UHRF1: variants seen among roughly 807,000 people sequenced by gnomAD.
The protein encoded by UHRF1 is E3 ubiquitin-protein ligase UHRF1.
UHRF1 carries 9 observed loss-of-function variants against 96.5 expected under a neutral mutation model. That is an observed-to-expected ratio of 0.09 (90% CI 0.06 to 0.16). UHRF1 has a LOEUF of 0.16. UHRF1 is among the 10% of genes least tolerant of loss of function. UHRF1 has a pLI of 1.00. For synonymous variants in UHRF1, 455 were observed against 469.9 expected, an observed-to-expected ratio of 0.97 and a Z score of 0.41; for missense variants, 626 against 1,131.1, an observed-to-expected ratio of 0.55 and a Z score of 6.40.
At position 4,933,017 on chromosome 19, in the gene UHRF1, C is replaced by T. The variant is rs745388935; in HGVS notation, c.785+61C>T. The T allele has an allele frequency of 2.6e-4, 388 of 1,506,152 alleles. 2 individuals carry two copies. Among genetic ancestry groups the T allele is most frequent in the Middle Eastern group, 1.8e-3 (9 of 5,002 alleles). 93.3% of individuals were successfully genotyped at this position (1,506,152 alleles called of 1,614,324 possible). A position where few individuals can be genotyped will look rare whatever the true frequency, so the allele number is the denominator to read the frequency against. ...TCCTTTCCTCCCCTCCCGGGGCCCC[C>T]GGACTGGCTTTGAAGCCGTCCAGCC... is the stretch of plus-strand genomic sequence containing the variant. On this transcript the variant is annotated intron_variant, in intron 5 of 16. Transcript: ENST00000650932.
chr19:4,950,499 C>T (rs2033687277), intron 11 of UHRF1, 112 bp from the exon 12 acceptor site: 2 of 1,197,086 alleles, frequency 1.7e-6, no homozygotes, highest in East Asian at 2.6e-5. Context: ...CTACTTCAGC[C>T]TCCCAAAGTG....
intron 16 of UHRF1, among the ~76,000 whole-genome samples, chr19:4,958,217 G>A (rs368934569): frequency 5.9e-5 from 9 of 152,242 alleles, no homozygotes; most frequent in African/African-American, 2.2e-4. Flanking sequence ...CAGAAGGGGT[G>A]AGAGGCCATG....
At chr19:4,928,994 C>T (rs1386020402) in intron 2 of UHRF1, among the ~76,000 whole-genome samples, 2 of 152,180 alleles carry the variant, frequency 1.3e-5, no homozygotes, top group Admixed American at 1.3e-4. Flanking sequence ...CATGCAGTGC[C>T]AAAAGCCCTC....
intron 2 of UHRF1, among the ~76,000 whole-genome samples, chr19:4,920,036 C>T (rs1407675695): frequency 6.6e-6 from 1 of 152,036 alleles, no homozygotes; most frequent in Non-Finnish European, 1.5e-5. Context: ...AGGCTGGTCT[C>T]GAACTCCTGA....
chr19:4,952,540 T>C (rs768111806), intron 13 of UHRF1, among the ~76,000 whole-genome samples: 1 of 151,452 alleles, frequency 6.6e-6, no homozygotes, highest in Non-Finnish European at 1.5e-5. Context: ...ATCACAGGTG[T>C]GTACCACCAT....
At chr19:4,940,555 C>T (rs180947619) in intron 5 of UHRF1, among the ~76,000 whole-genome samples, 3 of 151,274 alleles carry the variant, frequency 2.0e-5, no homozygotes, top group African/African-American at 4.8e-5. Flanking sequence ...TTAGTAGAGA[C>T]GGGGTTTCAC....
intron 2 of UHRF1, among the ~76,000 whole-genome samples, chr19:4,914,400 T>G (rs2032410297): frequency 6.6e-6 from 1 of 152,114 alleles, no homozygotes; most frequent in African/African-American, 2.4e-5. Context: ...TCACAGTCTT[T>G]TTTTTTCCCT....
rs985069179 is a variant in UHRF1, at chr19:4,947,490, C to CTTTTTTTTTTTT, written c.1517+297_1517+308dup. ...CTATAAAAGGCCAGATAATAGATAT[C>CTTTTTTTTTTTT]TTTTTTTTTTTTTTTTTTTTTTTTT... On this transcript the variant is annotated intron_variant, in intron 11 of 16. Transcript: ENST00000650932. Among the ~76,000 whole-genome samples, 442 of 57,888 alleles carry CTTTTTTTTTTTT rather than the reference C, an allele frequency of 7.6e-3. 72 individuals carry two copies. The highest frequency in any genetic ancestry group is 9.9e-3 in the Non-Finnish European group (319 of 32,218). The allele number at this position is 57,888 out of a possible 152,430, so 38.0% of individuals were successfully genotyped here.
intron 5 of UHRF1, among the ~76,000 whole-genome samples, chr19:4,934,854 C>T (rs376533407): frequency 2.0e-5 from 3 of 152,116 alleles, no homozygotes; most frequent in Non-Finnish European, 4.4e-5. Context: ...GGGCCTTAAG[C>T]GCGTGGCTCG....
At chr19:4,957,323 T>C (rs1220170270) in intron 16 of UHRF1, among the ~76,000 whole-genome samples, 5 of 105,550 alleles carry the variant, frequency 4.7e-5, no homozygotes, top group African/African-American at 7.4e-5. Flanking sequence ...TTTTTTTTTT[T>C]TCTGAGACAG....
chr19:4,909,549 G>T lies in UHRF1; in HGVS notation c.-117G>T, dbSNP rs1035055123. On this transcript the variant is annotated 5_prime_UTR_variant, in exon 1 of 17. Coordinates refer to ENST00000650932, the MANE Select transcript of UHRF1 (RefSeq NM_001048201.3). Reference sequence around the variant, plus strand: ...CAGCGTTTGCCGAGCGGGCGCTCCGGGTCGCACGCAAGTCCGCGCGGGGTC... The same window carrying T: ...CAGCGTTTGCCGAGCGGGCGCTCCGTGTCGCACGCAAGTCCGCGCGGGGTC... 5.5e-5 allele frequency: 36 copies of T among 659,456 alleles called. No individual in the cohort carries two copies. The highest frequency in any genetic ancestry group is 4.9e-4 in the African/African-American group (26 of 52,644). The allele number at this position is 659,456 out of a possible 1,614,324, so 40.9% of individuals were successfully genotyped here. A position where few individuals can be genotyped will look rare whatever the true frequency, so the allele number is the denominator to read the frequency against.
intron 5 of UHRF1, among the ~76,000 whole-genome samples, chr19:4,936,681 C>T (rs989996873): frequency 1.3e-5 from 2 of 151,998 alleles, no homozygotes; most frequent in Non-Finnish European, 2.9e-5. Flanking sequence ...GTGGCTCAGG[C>T]CTGTTGTCCC....
intron 5 of UHRF1, among the ~76,000 whole-genome samples, chr19:4,933,596 G>A (rs1387510454): frequency 1.3e-5 from 2 of 152,070 alleles, no homozygotes; most frequent in African/African-American, 4.8e-5. Flanking sequence ...AAGCACCCAA[G>A]ACCACACATG....
At chr19:4,936,000 G>T (rs1400005595) in intron 5 of UHRF1, among the ~76,000 whole-genome samples, 2 of 152,184 alleles carry the variant, frequency 1.3e-5, no homozygotes, top group Non-Finnish European at 2.9e-5. Flanking sequence ...CACAAGGCAG[G>T]GGTGTCACCA....
chr19:4,932,910 C>G lies in UHRF1; in HGVS notation c.739C>G (p.Arg247Gly), dbSNP rs770384463. 5 of 1,613,700 alleles carry G rather than the reference C, an allele frequency of 3.1e-6. No homozygotes were observed. The Middle Eastern group carries it at 6.6e-4, about 213-fold the overall frequency. ...FWYDAEISRK[R>G]ETRTARELYA... Reference sequence around the variant, plus strand: ...GTACGACGCGGAGATCTCCAGGAAGCGCGAGACCAGGACGGCGCGGGAACT... The same window carrying G: ...GTACGACGCGGAGATCTCCAGGAAGGGCGAGACCAGGACGGCGCGGGAACT... The change falls in exon 5 of 17, where the codon CGC becomes GGC. Residue 247 changes from arginine to glycine, a missense_variant. By Grantham distance (125) the Arg-to-Gly change is moderately radical (BLOSUM62 -2). This residue lies in a region of UHRF1 where 198 missense variants were observed against 235.1 expected (regional missense o/e 0.84). Coordinates refer to ENST00000650932, the MANE Select transcript of UHRF1 (RefSeq NM_001048201.3).
chr19:4,915,822 G>C (rs1052706766), intron 2 of UHRF1, among the ~76,000 whole-genome samples: 2 of 152,228 alleles, frequency 1.3e-5, no homozygotes, highest in African/African-American at 4.8e-5. Flanking sequence ...GCCTCAGTTG[G>C]TGTGTCTGGG....
intron 5 of UHRF1, among the ~76,000 whole-genome samples, chr19:4,934,799 A>G (rs2033169212): frequency 6.6e-6 from 1 of 152,024 alleles, no homozygotes; most frequent in Non-Finnish European, 1.5e-5. Context: ...GCTGCGGGTG[A>G]TGGAGGGGAG....
rs2033409726 is a variant in UHRF1, at chr19:4,941,755, G to A, written c.897G>A (p.Gly299=). ...MVDNPMRRKS[G]PSCKHCKDDV... is the part of the protein sequence containing the mutation. ...CCGCCCCGTGCCCAGGGAAGAGCGG[G>A]CCGTCCTGCAAGCACTGCAAGGACG... The change falls in exon 7 of 17, where the codon GGG becomes GGA. Residue 299 remains glycine (G), a synonymous_variant. Coordinates refer to ENST00000650932, the MANE Select transcript of UHRF1 (RefSeq NM_001048201.3). 1.3e-6 allele frequency: 2 copies of A among 1,547,084 alleles called. No individual in the cohort carries two copies. The highest frequency in any genetic ancestry group is 1.4e-5 in the African/African-American group (1 of 72,940).
At chr19:4,955,961 T>C (rs1275717333) in intron 15 of UHRF1, among the ~76,000 whole-genome samples, 1 of 152,130 alleles carries the variant, frequency 6.6e-6, no homozygotes, top group Non-Finnish European at 1.5e-5. Context: ...AGATGGAGTT[T>C]TGCTCTCGTT....
Sources: allele counts gnomAD v4.1 joint callset (sites outside exome capture counted in the v4.1 genomes callset), GRCh38; gene constraint gnomAD v4.1.1; regional missense constraint gnomAD v4.1.1; transcripts MANE v1.5; gene names NCBI Gene and HGNC (gene_info 2026-07-23, HGNC 2026-07-21).